The following SIL1 variants were observed in gnomAD, a reference collection of about 807,000 sequenced individuals.
SIL1 encodes SIL1 nucleotide exchange factor.
SIL1 carries 40 observed loss-of-function variants against 49.1 expected under a neutral mutation model. The ratio of observed to expected loss-of-function variants is 0.81; its 90% CI spans 0.63 to 1.06. The LOEUF is 1.06. Ranked by LOEUF, SIL1 falls within the 50% of genes least tolerant of loss-of-function variation. The pLI, the probability that SIL1 is intolerant of heterozygous loss-of-function variation, is 0.00. For missense variants in SIL1, 500 were observed against 572.6 expected, an observed-to-expected ratio of 0.87 and a Z score of 1.29; for synonymous variants, 253 against 250.8, an observed-to-expected ratio of 1.01 and a Z score of -0.08.
chr5:139,182,833 C>G (rs1752014844), intron 1 of SIL1, among the ~76,000 whole-genome samples: 1 of 152,208 alleles, frequency 6.6e-6, no homozygotes, highest in Non-Finnish European at 1.5e-5. Flanking sequence ...ACAGCTGTTA[C>G]ATGGTTTAAA....
chr5:139,024,335 G>A (rs1017957829), intron 6 of SIL1, among the ~76,000 whole-genome samples: 1 of 152,200 alleles, frequency 6.6e-6, no homozygotes, highest in Non-Finnish European at 1.5e-5. Context: ...CTGGAAAGGG[G>A]AAAGAGAACC....
At chr5:139,132,289 G>A (rs1035565707) in intron 1 of SIL1, among the ~76,000 whole-genome samples, 2 of 152,220 alleles carry the variant, frequency 1.3e-5, no homozygotes, top group African/African-American at 4.8e-5. Context: ...CTTGGAGTGG[G>A]AAGAGGAGTG....
At chr5:139,089,491 C>T (rs1205995278) in intron 3 of SIL1, among the ~76,000 whole-genome samples, 1 of 152,052 alleles carries the variant, frequency 6.6e-6, no homozygotes, top group Non-Finnish European at 1.5e-5. Context: ...TCCCTATGTA[C>T]TAGAGTCTCT....
intron 3 of SIL1, among the ~76,000 whole-genome samples, chr5:139,057,552 G>T (rs1199148208): frequency 6.6e-6 from 1 of 152,050 alleles, no homozygotes; most frequent in Non-Finnish European, 1.5e-5. Context: ...TCTGGGCAAA[G>T]AAGCTTTGGC....
At chr5:138,960,366 A>C (rs535570444) in intron 7 of SIL1, among the ~76,000 whole-genome samples, 28 of 151,978 alleles carry the variant, frequency 1.8e-4, no homozygotes, top group Non-Finnish European at 3.5e-4. Flanking sequence ...CCATTTCTAA[A>C]TAAACATTGA....
At chr5:139,030,054 T>C (rs1768753143) in intron 5 of SIL1, among the ~76,000 whole-genome samples, 1 of 151,946 alleles carries the variant, frequency 6.6e-6, no homozygotes, top group African/African-American at 2.4e-5. Flanking sequence ...AGGTTATAAT[T>C]AGATTATAAT....
intron 1 of SIL1, among the ~76,000 whole-genome samples, chr5:139,153,556 A>G (rs1049214501): frequency 2.6e-5 from 4 of 152,180 alleles, no homozygotes; most frequent in African/African-American, 9.7e-5. Flanking sequence ...TAAGCCAGTT[A>G]CACGCTTGCC....
At chr5:139,003,956 G>T (rs951762488) in intron 7 of SIL1, among the ~76,000 whole-genome samples, 1 of 152,256 alleles carries the variant, frequency 6.6e-6, no homozygotes, top group East Asian at 1.9e-4. Context: ...GATGTCTAAC[G>T]GGAGGTGAGT....
chr5:139,070,300 C>A (rs562885646), intron 3 of SIL1, among the ~76,000 whole-genome samples: 2 of 151,930 alleles, frequency 1.3e-5, no homozygotes, highest in South Asian at 4.2e-4. Flanking sequence ...AGAATCAGGA[C>A]TCTCGGTGTG....
chr5:139,190,739 T>C (rs1752152689), intron 1 of SIL1, among the ~76,000 whole-genome samples: 1 of 152,216 alleles, frequency 6.6e-6, no homozygotes, highest in South Asian at 2.1e-4. Flanking sequence ...GTGTATCTCC[T>C]GACTCTTCAC....
chr5:139,008,283 T>G (rs2150416976), intron 7 of SIL1, among the ~76,000 whole-genome samples: 1 of 151,188 alleles, frequency 6.6e-6, no homozygotes, highest in African/African-American at 2.4e-5. Flanking sequence ...TGGTAGTTTG[T>G]ATTTCTGTGG....
chr5:138,996,809 T>G (rs1380949818), intron 7 of SIL1, among the ~76,000 whole-genome samples: 2 of 152,046 alleles, frequency 1.3e-5, no homozygotes, highest in African/African-American at 4.8e-5. Flanking sequence ...TGAGCCACCA[T>G]GCCCAGCCTG....
At chr5:139,169,279 T>C (rs1162855652) in intron 1 of SIL1, among the ~76,000 whole-genome samples, 2 of 152,194 alleles carry the variant, frequency 1.3e-5, no homozygotes, top group African/African-American at 4.8e-5. Flanking sequence ...CACCTGAGGC[T>C]GATCCTCAGC....
rs528584422 is a variant in SIL1 at position 139,093,654 on chromosome 5, T to A, written c.244+27381A>T. Among the ~76,000 whole-genome samples the A allele has an allele frequency of 9.2e-5, 14 of 152,382 alleles. No homozygotes were observed. In the South Asian group the frequency reaches 2.9e-3, roughly 32 times the overall value. On this transcript the variant is annotated intron_variant, in intron 3 of 9. Coordinates refer to ENST00000394817, the MANE Select transcript of SIL1 (RefSeq NM_022464.5). ...TCAACTCTGTATCTACAACACACTG[T>A]GTGAGGTAAATTTTCTTTCATTTGT...
At chr5:139,056,127 C>A (rs1769414499) in intron 3 of SIL1, among the ~76,000 whole-genome samples, 1 of 151,172 alleles carries the variant, frequency 6.6e-6, no homozygotes, top group African/African-American at 2.4e-5. Context: ...TCTGCTTGGC[C>A]ACCCATCGTC....
At chr5:139,017,034 TAG>T (rs936285032) in intron 7 of SIL1, 1 of 152,264 alleles carries the variant, frequency 6.6e-6, no homozygotes, top group African/African-American at 2.4e-5. Flanking sequence ...GTATTTTTTG[TAG>T]AGACAGGGTT....
chr5:139,131,806 C>G (rs1336248727), intron 1 of SIL1: 1 of 152,762 alleles, frequency 6.5e-6, no homozygotes, highest in Non-Finnish European at 1.5e-5. Flanking sequence ...GGCAAGGCGT[C>G]ACCACAACAG....
intron 3 of SIL1, among the ~76,000 whole-genome samples, chr5:139,061,626 T>C (rs891308262): frequency 2.0e-5 from 3 of 152,224 alleles, no homozygotes; most frequent in African/African-American, 2.4e-5. Context: ...ATGTGCTACA[T>C]TGTTGTGAAG....
chr5:138,990,792 C>T (rs996537331), intron 7 of SIL1, among the ~76,000 whole-genome samples: 2 of 152,134 alleles, frequency 1.3e-5, no homozygotes, highest in East Asian at 3.8e-4. Context: ...CTCGGCTCAC[C>T]GCAACCTCTA....
Sources: gnomAD v4.1 joint callset for allele counts (sites outside exome capture counted in the v4.1 genomes callset) on GRCh38, gnomAD v4.1.1 for gene constraint, MANE v1.5 for transcripts, NCBI Gene and HGNC (gene_info 2026-07-23, HGNC 2026-07-21) for gene names.